Variants in LARGE1 observed in about 807,000 individuals in gnomAD.
The protein encoded by LARGE1 is LARGE xylosyl- and glucuronyltransferase 1.
LARGE1 carries 43 observed loss-of-function variants against 87.6 expected under a neutral mutation model. That is an observed-to-expected ratio of 0.49 (90% CI 0.38 to 0.63). LARGE1 has a LOEUF of 0.63. LARGE1 is among the 30% of genes least tolerant of loss of function. The pLI is 0.00. For synonymous variants in LARGE1, 434 were observed against 394.6 expected (o/e 1.10, Z -1.18); for missense variants, 802 against 1,000.2 (o/e 0.80, Z 2.67).
intron 1 of LARGE1, among the ~76,000 whole-genome samples, chr22:33,894,969 C>G (rs1476869854): frequency 1.3e-5 from 2 of 152,024 alleles, no homozygotes; most frequent in African/African-American, 4.8e-5. Flanking sequence ...AATGGGATAA[C>G]AAATGGGGCA....
chr22:33,852,920 T>G (rs1248219022), intron 1 of LARGE1, among the ~76,000 whole-genome samples: 1 of 71,328 alleles, frequency 1.4e-5, no homozygotes, highest in Admixed American at 1.2e-4. Context: ...GCTATGAAAA[T>G]AAAGAAAAAA....
chr22:33,469,043 C>T (rs2068726307), intron 6 of LARGE1, among the ~76,000 whole-genome samples: 1 of 152,152 alleles, frequency 6.6e-6, no homozygotes, highest in African/African-American at 2.4e-5. Context: ...ATAACAGATG[C>T]TGGTGAGGTT....
chr22:33,711,972 G>A (rs946598100), intron 2 of LARGE1, among the ~76,000 whole-genome samples: 5 of 152,118 alleles, frequency 3.3e-5, no homozygotes, highest in Admixed American at 2.0e-4. Flanking sequence ...AGAAATACGG[G>A]TTTTAAACAG....
intron 11 of LARGE1, among the ~76,000 whole-genome samples, chr22:33,210,933 G>A (rs919686644): frequency 3.9e-5 from 6 of 152,134 alleles, no homozygotes; most frequent in African/African-American, 9.7e-5. Context: ...TCGTTTTCCC[G>A]CACTTTGCTT....
At chr22:33,313,592 T>G (rs529167117) in intron 11 of LARGE1, among the ~76,000 whole-genome samples, 2 of 152,262 alleles carry the variant, frequency 1.3e-5, no homozygotes, top group South Asian at 2.1e-4. Context: ...GCCAGAGAGA[T>G]TCTCCTGCTG....
chr22:33,654,138 T>C (rs541912604), intron 2 of LARGE1, among the ~76,000 whole-genome samples: 2 of 152,316 alleles, frequency 1.3e-5, no homozygotes, highest in South Asian at 4.1e-4. Context: ...TTTCCCACTT[T>C]TAAAAGCCCT....
chr22:33,879,802 A>C (rs2064612300), intron 1 of LARGE1, among the ~76,000 whole-genome samples: 1 of 152,220 alleles, frequency 6.6e-6, no homozygotes, highest in Non-Finnish European at 1.5e-5. Context: ...GCCTCTCTTC[A>C]AAGAAGAGGC....
At chr22:33,098,475 G>T in the LARGE1 span, among the ~76,000 whole-genome samples, 1 of 151,996 alleles carries the variant, frequency 6.6e-6, no homozygotes, top group Non-Finnish European at 1.5e-5. Flanking sequence ...AAAAAAATTA[G>T]CGGGGTATGG....
chr22:33,687,835 C>A (rs16992797), intron 2 of LARGE1, among the ~76,000 whole-genome samples: 1 of 152,132 alleles, frequency 6.6e-6, no homozygotes, highest in East Asian at 1.9e-4. Context: ...GTAAAAATAC[C>A]GAATACTAAT....
intron 1 of LARGE1, among the ~76,000 whole-genome samples, chr22:33,876,037 C>T (rs552023189): frequency 6.6e-6 from 1 of 152,168 alleles, no homozygotes; most frequent in East Asian, 1.9e-4. Flanking sequence ...TAGAACAAAA[C>T]GTCATAGAAG....
At chr22:33,212,721 T>G (rs1241819503) in intron 11 of LARGE1, among the ~76,000 whole-genome samples, 2 of 152,166 alleles carry the variant, frequency 1.3e-5, no homozygotes, top group Non-Finnish European at 2.9e-5. Flanking sequence ...CTAGATACTA[T>G]TAAGAATATT....
intron 6 of LARGE1, among the ~76,000 whole-genome samples, chr22:33,536,246 T>C (rs1240434503): frequency 6.6e-6 from 1 of 152,200 alleles, no homozygotes; most frequent in Non-Finnish European, 1.5e-5. Flanking sequence ...CGAAAGGGCA[T>C]GAGCAGAAAA....
At chr22:33,409,534 T>C (rs974954185) in intron 7 of LARGE1, among the ~76,000 whole-genome samples, 1 of 152,164 alleles carries the variant, frequency 6.6e-6, no homozygotes, top group South Asian at 2.1e-4. Flanking sequence ...GCTAGGATTC[T>C]TTTACCCACT....
chr22:33,597,649 A>C (rs1172409642), intron 5 of LARGE1, among the ~76,000 whole-genome samples: 1 of 152,140 alleles, frequency 6.6e-6, no homozygotes, highest in Non-Finnish European at 1.5e-5. Context: ...GATGTTGGTA[A>C]CAAGCGGGCA....
In LARGE1 at chr22:33,273,010, C is replaced by T. The variant is rs1330836274; in HGVS notation, c.*1417G>A. The T allele has an allele frequency of 1.2e-5, 2 of 167,004 alleles. No individual in the cohort carries two copies. Among genetic ancestry groups the T allele is most frequent in the Non-Finnish European group, 2.6e-5 (2 of 78,158 alleles). The allele number at this position is 167,004 out of a possible 1,614,324, so 10.3% of individuals were successfully genotyped here. A position where few individuals can be genotyped will look rare whatever the true frequency, so the allele number is the denominator to read the frequency against. ...CAGAAAGTGTGAAGTTGCTGTTTAT[C>T]CACTGCAATTTAGCTCTCTATGTCA... On this transcript the variant is annotated 3_prime_UTR_variant, in exon 15 of 15. Transcript: ENST00000397394.
At chr22:33,916,479 G>A (rs373602804) in intron 1 of LARGE1, among the ~76,000 whole-genome samples, 3 of 152,144 alleles carry the variant, frequency 2.0e-5, no homozygotes, top group South Asian at 2.1e-4. Context: ...CCTTTCACTC[G>A]TTGCTGCCTG....
rs185008433 is a variant in LARGE1 at position 33,614,794 on chromosome 22, C to T, written c.492-10236G>A. Reference sequence around the variant, plus strand: ...AGACTACCTCCTACCCTCCATGAGACTGTCAGCTGTGGAGGATAGCGCTTC... The same window carrying T: ...AGACTACCTCCTACCCTCCATGAGATTGTCAGCTGTGGAGGATAGCGCTTC... On this transcript the variant is annotated intron_variant, in intron 4 of 14. Transcript: ENST00000397394. Among the ~76,000 whole-genome samples the T allele has an allele frequency of 2.0e-5, 3 of 152,294 alleles. No homozygotes were observed. The East Asian group carries it at 5.8e-4, about 29-fold the overall frequency.
chr22:33,226,520 G>A (rs1427783410), intron 11 of LARGE1, among the ~76,000 whole-genome samples: 1 of 152,106 alleles, frequency 6.6e-6, no homozygotes, highest in Non-Finnish European at 1.5e-5. Context: ...TAAAGCCACT[G>A]ACCTCTAGCC....
At chr22:33,252,000 T>A (rs978648548) in intron 11 of LARGE1, among the ~76,000 whole-genome samples, 2 of 152,216 alleles carry the variant, frequency 1.3e-5, no homozygotes, top group Non-Finnish European at 2.9e-5. Flanking sequence ...AGTGTTCTAC[T>A]TAGCTGGCAA....
Sources: allele counts gnomAD v4.1 joint callset (sites outside exome capture counted in the v4.1 genomes callset), GRCh38; gene constraint gnomAD v4.1.1; transcripts MANE v1.5; gene names NCBI Gene and HGNC (gene_info 2026-07-23, HGNC 2026-07-21).